Variants in MARK1 observed in about 807,000 individuals in gnomAD.
MARK1 encodes the protein serine/threonine-protein kinase MARK1.
Under a neutral mutation model 96.3 loss-of-function variants are expected in MARK1, and 40 were observed. The observed-to-expected ratio is 0.42, with a 90% confidence interval of 0.32 to 0.54. The LOEUF (loss-of-function observed/expected upper bound fraction) is 0.54, where lower values mean the gene tolerates loss of function less well. Ranked by LOEUF, MARK1 falls within the 20% of genes least tolerant of loss-of-function variation. The pLI, the probability that MARK1 is intolerant of heterozygous loss-of-function variation, is 0.16. For missense variants in MARK1, 719 were observed against 984.6 expected (o/e 0.73, Z 3.61); for synonymous variants, 317 against 341.2 (o/e 0.93, Z 0.78).
intron 14 of MARK1, 48 bp from the exon 15 acceptor site, chr1:220,651,938 A>T: frequency 6.9e-7 from 1 of 1,441,002 alleles, no homozygotes; most frequent in Non-Finnish European, 9.3e-7. Context: ...TAAACCACAA[A>T]TTTTCCTCTT....
At position 220,581,094 on chromosome 1, in the gene MARK1, G is replaced by C. The variant is rs112031336; in HGVS notation, c.285G>C (p.Gln95His). Reference sequence around the variant, plus strand: ...CTGTGAAAATAATAGACAAAACTCAGCTAAATCCTACCAGTCTACAAAAGG... The same window carrying C: ...CTGTGAAAATAATAGACAAAACTCACCTAAATCCTACCAGTCTACAAAAGG... The part of the protein sequence containing the change: ...EVAVKIIDKT[Q>H]LNPTSLQKLF... The change falls in exon 3 of 18, where the codon CAG (glutamine) becomes CAC (histidine). Residue 95 changes from glutamine (Q) to histidine (H), a missense_variant. Physicochemically the swap from Gln to His is conservative, Grantham distance 24. Coordinates refer to ENST00000366917, the MANE Select transcript of MARK1 (RefSeq NM_018650.5). 3 of 1,284,426 alleles carry C rather than the reference G, an allele frequency of 2.3e-6. No homozygotes were observed. In the South Asian group the frequency reaches 6.4e-5, roughly 27 times the overall value. The allele number at this position is 1,284,426 out of a possible 1,614,324, so 79.6% of individuals were successfully genotyped here.
intron 13 of MARK1, among the ~76,000 whole-genome samples, chr1:220,636,370 T>C (rs183157232): frequency 2.4e-4 from 36 of 152,260 alleles, no homozygotes; most frequent in African/African-American, 8.4e-4. Flanking sequence ...AAATAATTAA[T>C]TTATAAAGTT....
Position 220,528,200 on chromosome 1 carries a change from C to G in MARK1, c.-623C>G, listed in dbSNP as rs1378104021. 1 of 150,346 alleles carries G rather than the reference C, an allele frequency of 6.7e-6. No individual in the cohort carries two copies. The highest frequency in any genetic ancestry group is 2.4e-5 in the African/African-American group (1 of 41,256). The allele number at this position is 150,346 out of a possible 1,614,324, so 9.3% of individuals were successfully genotyped here. On this transcript the variant is annotated 5_prime_UTR_variant, in exon 1 of 18. Transcript: ENST00000366917. ...CCGCGCCCGCTGCTCCGCGCGCAGC[C>G]GGCTCGGGCCGCTCCTCCTGACTGA...
intron 1 of MARK1, among the ~76,000 whole-genome samples, chr1:220,534,057 C>G (rs1660513143): frequency 6.6e-6 from 1 of 151,942 alleles, no homozygotes; most frequent in Non-Finnish European, 1.5e-5. Flanking sequence ...ACCCTTTTAA[C>G]AAATTTTTAA....
chr1:220,589,395 A>C (rs1482224825), intron 3 of MARK1, among the ~76,000 whole-genome samples: 1 of 152,230 alleles, frequency 6.6e-6, no homozygotes, highest in Non-Finnish European at 1.5e-5. Context: ...AGAGAAAAGG[A>C]AAATGCACAT....
At chr1:220,530,927 G>A (rs1397301558) in intron 1 of MARK1, among the ~76,000 whole-genome samples, 1 of 149,108 alleles carries the variant, frequency 6.7e-6, no homozygotes, top group African/African-American at 2.4e-5. Context: ...TAATAAGTAT[G>A]CACTCAGCAT....
At chr1:220,547,129 G>A (rs532806319) in intron 1 of MARK1, among the ~76,000 whole-genome samples, 12 of 152,238 alleles carry the variant, frequency 7.9e-5, no homozygotes, top group Middle Eastern at 3.4e-3. Context: ...CTACTTACCT[G>A]TAAACTGTCT....
At chr1:220,583,814 A>ATTTTTTTTTTTTTTTTTTTTTTTT (rs34848222) in intron 3 of MARK1, among the ~76,000 whole-genome samples, 1 of 105,206 alleles carries the variant, frequency 9.5e-6, no homozygotes, top group African/African-American at 3.6e-5. Context: ...TGCCTGGCTA[A>ATTTTTTTTTTTTTTTTTTTTTTTT]TTTTTTTTTT....
rs370697588 is a variant in MARK1, at chr1:220,633,776, G to A, written c.1122+1463G>A. On this transcript the variant is annotated intron_variant, in intron 11 of 17. Coordinates refer to ENST00000366917, the MANE Select transcript of MARK1 (RefSeq NM_018650.5). The stretch of plus-strand genomic sequence containing the variant: ...TGAGATTTCCAATATGGAAGACTGT[G>A]TAAGCACATTTGCCAAGATAGGAAA... Among the ~76,000 whole-genome samples the A allele has an allele frequency of 6.6e-5, 10 of 152,364 alleles. No homozygotes were observed. In the South Asian group the frequency reaches 2.1e-3, roughly 32 times the overall value.
At chr1:220,563,230 G>A (rs982546088) in intron 1 of MARK1, among the ~76,000 whole-genome samples, 3 of 151,976 alleles carry the variant, frequency 2.0e-5, no homozygotes, top group African/African-American at 7.3e-5. Context: ...TTGGCAAATC[G>A]TAAATACAAC....
At chr1:220,563,251 A>G (rs975922093) in intron 1 of MARK1, among the ~76,000 whole-genome samples, 2 of 152,220 alleles carry the variant, frequency 1.3e-5, no homozygotes, top group Non-Finnish European at 2.9e-5. Context: ...CTGCAAAGAC[A>G]ATGAGGAAAT....
At chr1:220,554,211 A>G (rs893341442) in intron 1 of MARK1, among the ~76,000 whole-genome samples, 6 of 152,300 alleles carry the variant, frequency 3.9e-5, no homozygotes, top group Admixed American at 3.3e-4. Context: ...CACGGTGTCT[A>G]AAGTAGTCAT....
intron 13 of MARK1, among the ~76,000 whole-genome samples, chr1:220,642,308 G>A (rs889124584): frequency 1.3e-5 from 2 of 152,194 alleles, no homozygotes; most frequent in African/African-American, 4.8e-5. Context: ...CAGTGTTAGG[G>A]AGGCTGCATG....
chr1:220,593,215 T>A (rs1322281292), intron 3 of MARK1, among the ~76,000 whole-genome samples: 1 of 152,194 alleles, frequency 6.6e-6, no homozygotes, highest in Admixed American at 6.5e-5. Flanking sequence ...CTTTATAATA[T>A]GTTCTCGGAG....
At chr1:220,601,872 G>C (rs1269362803) in intron 5 of MARK1, among the ~76,000 whole-genome samples, 1 of 152,090 alleles carries the variant, frequency 6.6e-6, no homozygotes, top group African/African-American at 2.4e-5. Flanking sequence ...GTAGTGTAGA[G>C]AAATGGGTAC....
intron 9 of MARK1, among the ~76,000 whole-genome samples, chr1:220,622,986 T>C (rs1413426116): frequency 6.6e-6 from 1 of 152,222 alleles, no homozygotes; most frequent in Non-Finnish European, 1.5e-5. Flanking sequence ...ATTTTGTTAA[T>C]ATAACTCTCA....
chr1:220,646,413 A>G (rs1668577691), intron 13 of MARK1, among the ~76,000 whole-genome samples: 1 of 152,232 alleles, frequency 6.6e-6, no homozygotes, highest in Non-Finnish European at 1.5e-5. Context: ...CAGAGGACCA[A>G]AGAAGATGGA....
intron 13 of MARK1, among the ~76,000 whole-genome samples, chr1:220,649,361 G>A (rs533845440): frequency 4.5e-4 from 68 of 152,096 alleles, no homozygotes; most frequent in African/African-American, 1.4e-3. Flanking sequence ...CGAGTAGCTG[G>A]GACTACAGGT....
intron 1 of MARK1, among the ~76,000 whole-genome samples, chr1:220,570,579 A>T (rs542149708): frequency 6.6e-6 from 1 of 152,200 alleles, no homozygotes; most frequent in Admixed American, 6.6e-5. Flanking sequence ...GTAAATTGTA[A>T]TATTTTTCTT....
Sources: allele counts gnomAD v4.1 joint callset (sites outside exome capture counted in the v4.1 genomes callset), GRCh38; gene constraint gnomAD v4.1.1; transcripts MANE v1.5; gene names NCBI Gene and HGNC (gene_info 2026-07-23, HGNC 2026-07-21).